The following RBMS2 variants were observed in gnomAD, a reference collection of about 807,000 sequenced individuals.
RBMS2 encodes RNA binding motif single stranded interacting protein 2, also known as RNA-binding motif, single-stranded-interacting protein 2.
RBMS2 carries 38 observed loss-of-function variants against 58.4 expected under a neutral mutation model. The ratio of observed to expected loss-of-function variants is 0.65; its 90% CI spans 0.50 to 0.85. RBMS2 has a LOEUF of 0.85. RBMS2 is among the 40% of genes least tolerant of loss of function. The pLI, the probability that RBMS2 is intolerant of heterozygous loss-of-function variation, is 0.00. For synonymous variants in RBMS2, 151 were observed against 180.7 expected (o/e 0.84, Z 1.32); for missense variants, 367 against 503.7 (o/e 0.73, Z 2.60).
intron 5 of RBMS2, among the ~76,000 whole-genome samples, chr12:56,577,457 AT>A (rs1348728131): frequency 1.2e-5 from 1 of 82,774 alleles, no homozygotes; most frequent in South Asian, 4.8e-4. Context: ...TTCATACAAA[AT>A]TATTATTATT....
At chr12:56,581,107 G>C in intron 5 of RBMS2, 77 bp from the exon 6 acceptor site, 1 of 1,237,172 alleles carries the variant, frequency 8.1e-7, no homozygotes. Flanking sequence ...GGAACTTAGA[G>C]CTTTGCTTTC....
At chr12:56,550,540 AC>A in intron 1 of RBMS2, among the ~76,000 whole-genome samples, 1 of 151,650 alleles carries the variant, frequency 6.6e-6, no homozygotes, top group African/African-American at 2.4e-5. Flanking sequence ...TCTCAAAAAA[AC>A]AAAACAAAAC....
chr12:56,525,964 A>G (rs1411349067), intron 1 of RBMS2, among the ~76,000 whole-genome samples: 6 of 151,934 alleles, frequency 3.9e-5, no homozygotes, highest in Non-Finnish European at 5.9e-5. Flanking sequence ...CGCCCTACCT[A>G]TATATAACTT....
At chr12:56,566,651 C>G (rs1485158928) in intron 2 of RBMS2, among the ~76,000 whole-genome samples, 1 of 152,122 alleles carries the variant, frequency 6.6e-6, no homozygotes, top group African/African-American at 2.4e-5. Context: ...AACACCATCT[C>G]TACTAAAAAA....
intron 1 of RBMS2, among the ~76,000 whole-genome samples, chr12:56,525,855 G>A (rs1249969152): frequency 2.0e-5 from 3 of 151,084 alleles, no homozygotes; most frequent in Admixed American, 6.6e-5. Flanking sequence ...TAGAGATGGC[G>A]TTTCACCATG....
chr12:56,524,504 G>C (rs759384214), intron 1 of RBMS2, among the ~76,000 whole-genome samples: 1 of 150,564 alleles, frequency 6.6e-6, no homozygotes, highest in East Asian at 1.9e-4. Flanking sequence ...TGCAGCCTCC[G>C]CCTCCCAGGT....
intron 1 of RBMS2, among the ~76,000 whole-genome samples, chr12:56,536,497 TTTCCTTCC>T (rs532331764): frequency 3.3e-5 from 5 of 151,074 alleles, no homozygotes; most frequent in Non-Finnish European, 4.4e-5. Flanking sequence ...AGTAAGATCT[TTTCCTTCC>T]TTCCTTCCTT....
At position 56,594,801 on chromosome 12, in the gene RBMS2, C is replaced by T. The variant is rs989123233; in HGVS notation, c.*5668C>T. On this transcript the variant is annotated 3_prime_UTR_variant, in exon 14 of 14. Coordinates refer to ENST00000262031, the MANE Select transcript of RBMS2 (RefSeq NM_002898.4). The stretch of plus-strand genomic sequence containing the variant: ...TTCATTCTCCAAGCAGATCCCCAAA[C>T]TTCCTTGTCCTTGTTACACGTCTAC... 2 of 152,274 alleles carry T rather than the reference C, an allele frequency of 1.3e-5. No individual in the cohort carries two copies. Among genetic ancestry groups the T allele is most frequent in the African/African-American group, 4.8e-5 (2 of 41,468 alleles). The allele number at this position is 152,274 out of a possible 1,614,324, so 9.4% of individuals were successfully genotyped here. A position where few individuals can be genotyped will look rare whatever the true frequency, so the allele number is the denominator to read the frequency against.
chr12:56,544,432 A>G (rs1876759131), intron 1 of RBMS2, among the ~76,000 whole-genome samples: 1 of 152,302 alleles, frequency 6.6e-6, no homozygotes, highest in Middle Eastern at 3.4e-3. Flanking sequence ...GAGCTTCAGT[A>G]AAATATATTT....
At chr12:56,559,244 A>G (rs984334532) in intron 1 of RBMS2, among the ~76,000 whole-genome samples, 1 of 151,790 alleles carries the variant, frequency 6.6e-6, no homozygotes, top group Non-Finnish European at 1.5e-5. Context: ...CAGTGGCACA[A>G]TCTCGGCTCA....
At chr12:56,524,860 C>A (rs906601565) in intron 1 of RBMS2, among the ~76,000 whole-genome samples, 1 of 151,680 alleles carries the variant, frequency 6.6e-6, no homozygotes, top group Non-Finnish European at 1.5e-5. Context: ...GTTGGGATTA[C>A]AGGTGCCCGC....
At chr12:56,577,737 C>T (rs1883348058) in intron 5 of RBMS2, among the ~76,000 whole-genome samples, 1 of 152,102 alleles carries the variant, frequency 6.6e-6, no homozygotes, top group African/African-American at 2.4e-5. Context: ...GGCTGGAGTG[C>T]AGTGCTGCAA....
intron 2 of RBMS2, among the ~76,000 whole-genome samples, chr12:56,563,671 C>T (rs145794598): frequency 2.0e-5 from 3 of 152,148 alleles, no homozygotes; most frequent in Admixed American, 2.0e-4. Flanking sequence ...GGCGTGGTGG[C>T]TCACACCTGT....
At chr12:56,536,813 C>A (rs190070878) in intron 1 of RBMS2, among the ~76,000 whole-genome samples, 1 of 152,128 alleles carries the variant, frequency 6.6e-6, no homozygotes, top group East Asian at 1.9e-4. Context: ...ATGATCTGCC[C>A]CCCTTGGCCT....
chr12:56,533,560 C>T (rs7305759), intron 1 of RBMS2, among the ~76,000 whole-genome samples: 67,372 of 150,450 alleles, frequency 0.45, 15,862 homozygotes, highest in East Asian at 0.59. Flanking sequence ...GGACTATAGG[C>T]GCATGCCACT....
At chr12:56,573,476 C>CAAAAA (rs71081382) in intron 5 of RBMS2, among the ~76,000 whole-genome samples, 35 of 59,708 alleles carry the variant, frequency 5.9e-4, no homozygotes, top group South Asian at 8.1e-4. Flanking sequence ...GACGCCATCT[C>CAAAAA]AAAAAAAAAA....
intron 1 of RBMS2, chr12:56,527,719 T>C (rs1872919677): frequency 6.6e-6 from 1 of 152,164 alleles, no homozygotes. Flanking sequence ...CTACTATCTG[T>C]CTGGCCTTTC....
In RBMS2 at chr12:56,588,227, G is replaced by A; in HGVS notation, c.1063-67G>A. 3 of 1,264,284 alleles carry A rather than the reference G, an allele frequency of 2.4e-6. No individual in the cohort carries two copies. In the South Asian group the frequency reaches 3.7e-5, roughly 15 times the overall value. The allele number at this position is 1,264,284 out of a possible 1,614,324, so 78.3% of individuals were successfully genotyped here. A position where few individuals can be genotyped will look rare whatever the true frequency, so the allele number is the denominator to read the frequency against. On this transcript the variant is annotated intron_variant, in intron 11 of 13. Coordinates refer to ENST00000262031, the MANE Select transcript of RBMS2 (RefSeq NM_002898.4). ...TACAGGTGTCAGTATTTTTTTTAAA[G>A]CCCCTCAGCTGCTTCAAATGTAGCC...
rs1429657405 is a variant in RBMS2 at position 56,593,076 on chromosome 12, G to A, written c.*3943G>A. ...CCACCTCAGCCTCCCAAAGTGCTAT[G>A]ATTACAGGTGTGAGCCTCCATGCTT... On this transcript the variant is annotated 3_prime_UTR_variant, in exon 14 of 14. Coordinates refer to ENST00000262031, the MANE Select transcript of RBMS2 (RefSeq NM_002898.4). 6.6e-6 allele frequency: 1 copy of A among 152,288 alleles called. No homozygotes were observed. The highest frequency in any genetic ancestry group is 2.4e-5 in the African/African-American group (1 of 41,442). 9.4% of individuals were successfully genotyped at this position (152,288 alleles called of 1,614,324 possible). A position where few individuals can be genotyped will look rare whatever the true frequency, so the allele number is the denominator to read the frequency against.
Sources: gnomAD v4.1 joint callset for allele counts (sites outside exome capture counted in the v4.1 genomes callset) on GRCh38, gnomAD v4.1.1 for gene constraint, MANE v1.5 for transcripts, NCBI Gene and HGNC (gene_info 2026-07-23, HGNC 2026-07-21) for gene names.